ADCY2: variants seen among roughly 807,000 people sequenced by gnomAD.
ADCY2 encodes the protein adenylate cyclase 2, also known as adenylate cyclase type 2.
ADCY2 carries 31 observed loss-of-function variants against 125.2 expected under a neutral mutation model. The ratio of observed to expected loss-of-function variants is 0.25; its 90% CI spans 0.19 to 0.33. The LOEUF is 0.33. ADCY2 is among the 10% of genes least tolerant of loss of function. The pLI, the probability that ADCY2 is intolerant of heterozygous loss-of-function variation, is 1.00. For synonymous variants in ADCY2, 512 were observed against 548.4 expected (o/e 0.93, Z 0.93); for missense variants, 904 against 1,418.2 (o/e 0.64, Z 5.82).
intron 4 of ADCY2, among the ~76,000 whole-genome samples, chr5:7,630,897 C>T (rs1323569590): frequency 6.6e-6 from 1 of 151,690 alleles, no homozygotes; most frequent in Admixed American, 6.6e-5. Context: ...AACAGATCCT[C>T]CCACCTCAGT....
chr5:7,439,238 G>GT (rs1472568436), intron 2 of ADCY2, among the ~76,000 whole-genome samples: 1 of 152,132 alleles, frequency 6.6e-6, no homozygotes, highest in Non-Finnish European at 1.5e-5. Context: ...AAGGAAAGAG[G>GT]TTTAATTGAC....
chr5:7,722,473 A>G (rs559520335), intron 12 of ADCY2, among the ~76,000 whole-genome samples: 1 of 152,294 alleles, frequency 6.6e-6, no homozygotes, highest in Admixed American at 6.5e-5. Flanking sequence ...CCGTTCTGAA[A>G]GTGAGTATGG....
intron 3 of ADCY2, among the ~76,000 whole-genome samples, chr5:7,541,446 A>G (rs559496262): frequency 6.6e-6 from 1 of 152,222 alleles, no homozygotes; most frequent in East Asian, 1.9e-4. Context: ...GGGGAATGTC[A>G]GAGGTAGAGG....
chr5:7,719,410 C>T (rs1304060885), intron 12 of ADCY2, among the ~76,000 whole-genome samples: 4 of 152,202 alleles, frequency 2.6e-5, no homozygotes, highest in South Asian at 2.1e-4. Flanking sequence ...ACCTCAGTTA[C>T]ACTTTGTTAT....
chr5:7,444,111 CTTTTTTTT>C lies in ADCY2; in HGVS notation c.408+29354_408+29361del, dbSNP rs749823885. 3.0e-5 allele frequency among the ~76,000 whole-genome samples: 3 copies of C among 99,386 alleles called. No individual in the cohort carries two copies. The Admixed American group carries it at 3.3e-4, about 11-fold the overall frequency. 65.2% of individuals were successfully genotyped at this position (99,386 alleles called of 152,430 possible). A position where few individuals can be genotyped will look rare whatever the true frequency, so the allele number is the denominator to read the frequency against. ...GTTCTGCTGGTTTTGGTTTTTATCT[CTTTTTTTT>C]TTTTTTTTTTTTGAGACGGAGTCTC... On this transcript the variant is annotated intron_variant, in intron 2 of 24. Coordinates refer to ENST00000338316, the MANE Select transcript of ADCY2 (RefSeq NM_020546.3).
chr5:7,817,092 G>A, intron 23 of ADCY2, 112 bp downstream of exon 23: 1 of 756,618 alleles, frequency 1.3e-6, no homozygotes, highest in East Asian at 2.7e-5. Flanking sequence ...AATTACAAAT[G>A]CATCCCGTTG....
chr5:7,812,314 T>C (rs1026621505), intron 22 of ADCY2, among the ~76,000 whole-genome samples: 11 of 152,176 alleles, frequency 7.2e-5, no homozygotes, highest in Non-Finnish European at 1.0e-4. Context: ...CTCATGCTGT[T>C]AACAGGAAAC....
intron 2 of ADCY2, among the ~76,000 whole-genome samples, chr5:7,450,202 CA>C (rs1286119154): frequency 6.6e-6 from 1 of 152,140 alleles, no homozygotes; most frequent in Non-Finnish European, 1.5e-5. Context: ...CATGATAGGC[CA>C]AAAGCTAGAC....
intron 4 of ADCY2, among the ~76,000 whole-genome samples, chr5:7,655,128 G>A (rs1311466441): frequency 6.6e-6 from 1 of 152,166 alleles, no homozygotes; most frequent in African/African-American, 2.4e-5. Context: ...CCATGACTGA[G>A]GGCTGGGACT....
At position 7,698,268 on chromosome 5, in the gene ADCY2, A is replaced by C. The variant is rs1302429896; in HGVS notation, c.1003A>C (p.Lys335Gln). ...IAKENECMRIKILGDCYYCVS... is the reference protein window; with the variant it reads ...IAKENECMRIQILGDCYYCVS... The stretch of plus-strand genomic sequence containing the variant: ...CCAGGAGAATGAATGCATGAGAATT[A>C]AAATTTTAGGAGACTGCTACTACTG... The change falls in exon 7 of 25, where the codon AAA (lysine) becomes CAA (glutamine). Residue 335 changes from lysine to glutamine, a missense_variant. By Grantham distance (53) the Lys-to-Gln change is moderately conservative (BLOSUM62 1). Around this residue, in one of 7 missense-constraint regions of ADCY2, gnomAD observed 117 missense variants for 248.0 expected, o/e 0.47. Coordinates refer to ENST00000338316, the MANE Select transcript of ADCY2 (RefSeq NM_020546.3). 1 of 1,614,106 alleles carries C rather than the reference A, an allele frequency of 6.2e-7. No individual in the cohort carries two copies. The highest frequency in any genetic ancestry group is 8.5e-7 in the Non-Finnish European group (1 of 1,179,972).
intron 2 of ADCY2, among the ~76,000 whole-genome samples, chr5:7,443,029 T>C (rs1156420873): frequency 6.6e-6 from 1 of 152,194 alleles, no homozygotes; most frequent in African/African-American, 2.4e-5. Flanking sequence ...TCTGCATCCT[T>C]GGACACAGCC....
At chr5:7,762,113 G>T (rs1202303227) in intron 16 of ADCY2, among the ~76,000 whole-genome samples, 1 of 152,160 alleles carries the variant, frequency 6.6e-6, no homozygotes, top group Non-Finnish European at 1.5e-5. Flanking sequence ...CCTGTCTATC[G>T]ATTAAGGGGG....
intron 22 of ADCY2, among the ~76,000 whole-genome samples, chr5:7,808,293 A>C (rs1365989839): frequency 6.6e-6 from 1 of 152,184 alleles, no homozygotes; most frequent in Non-Finnish European, 1.5e-5. Context: ...TGTGTTATGC[A>C]GTGGCCTTCA....
intron 9 of ADCY2, among the ~76,000 whole-genome samples, chr5:7,708,807 AAG>A (rs1161413916): frequency 6.6e-6 from 1 of 152,112 alleles, no homozygotes; most frequent in African/African-American, 2.4e-5. Flanking sequence ...TACATGTACA[AAG>A]AACATTACGT....
intron 3 of ADCY2, among the ~76,000 whole-genome samples, chr5:7,598,737 T>G (rs1737096454): frequency 6.6e-6 from 1 of 152,058 alleles, no homozygotes; most frequent in African/African-American, 2.4e-5. Context: ...TGATTTCCAG[T>G]GAAACGTGAG....
intron 2 of ADCY2, among the ~76,000 whole-genome samples, chr5:7,474,484 T>G (rs936978455): frequency 6.6e-6 from 1 of 152,148 alleles, no homozygotes; most frequent in Non-Finnish European, 1.5e-5. Context: ...GATGAAATGG[T>G]GCAGAAATCT....
At chr5:7,662,640 A>G (rs1212475617) in intron 4 of ADCY2, among the ~76,000 whole-genome samples, 1 of 152,216 alleles carries the variant, frequency 6.6e-6, no homozygotes, top group Non-Finnish European at 1.5e-5. Flanking sequence ...AGGTCTAGAA[A>G]AGCATTGCCA....
intron 2 of ADCY2, among the ~76,000 whole-genome samples, chr5:7,509,511 T>G (rs1743974599): frequency 6.6e-6 from 1 of 152,158 alleles, no homozygotes. Flanking sequence ...ATGACATACC[T>G]CCTACCTATT....
At chr5:7,478,050 T>C (rs1368524838) in intron 2 of ADCY2, among the ~76,000 whole-genome samples, 1 of 152,166 alleles carries the variant, frequency 6.6e-6, no homozygotes, top group Non-Finnish European at 1.5e-5. Flanking sequence ...GAATATAAAA[T>C]ATTGGTTGAT....
Sources: allele counts gnomAD v4.1 joint callset (sites outside exome capture counted in the v4.1 genomes callset), GRCh38; gene constraint gnomAD v4.1.1; regional missense constraint gnomAD v4.1.1; transcripts MANE v1.5; gene names NCBI Gene and HGNC (gene_info 2026-07-23, HGNC 2026-07-21).